The following SPATS2L variants were observed in gnomAD, a reference collection of about 807,000 sequenced individuals.
SPATS2L encodes the protein SPATS2-like protein.
Under a neutral mutation model 59.6 loss-of-function variants are expected in SPATS2L, and 30 were observed. The observed-to-expected ratio is 0.50, with a 90% CI of 0.38 to 0.68. SPATS2L has a LOEUF of 0.68. Among genes scored for constraint, SPATS2L ranks in the 30% least tolerant of loss-of-function variants. The pLI, the probability that SPATS2L is intolerant of heterozygous loss-of-function variation, is 0.00. For synonymous variants in SPATS2L, 252 were observed against 263.5 expected (o/e 0.96, Z 0.42); for missense variants, 615 against 700.0 (o/e 0.88, Z 1.37).
intron 2 of SPATS2L, among the ~76,000 whole-genome samples, chr2:200,386,999 G>A (rs957780129): frequency 6.6e-6 from 1 of 152,138 alleles, no homozygotes; most frequent in Non-Finnish European, 1.5e-5. Flanking sequence ...TGTAATGACC[G>A]ACCAAAGGCT....
At chr2:200,320,832 T>A (rs1433828136) in intron 1 of SPATS2L, among the ~76,000 whole-genome samples, 3 of 152,326 alleles carry the variant, frequency 2.0e-5, no homozygotes, top group South Asian at 4.1e-4. Context: ...ATAGTTTTTT[T>A]AAAAACATGT....
intron 12 of SPATS2L, 134 bp downstream of exon 12, chr2:200,473,186 T>A: frequency 1.2e-6 from 1 of 830,434 alleles, no homozygotes; most frequent in Non-Finnish European, 1.8e-6. Flanking sequence ...CCTCACCCAC[T>A]CCCCACCCAG....
At chr2:200,358,756 G>C (rs1574486077) in intron 2 of SPATS2L, among the ~76,000 whole-genome samples, 1 of 152,144 alleles carries the variant, frequency 6.6e-6, no homozygotes, top group East Asian at 1.9e-4. Context: ...GGGAGGTCAA[G>C]GCAGGAGGAT....
chr2:200,329,629 A>C, intron 2 of SPATS2L, 149 bp downstream of exon 2: 1 of 687,380 alleles, frequency 1.5e-6, no homozygotes, highest in South Asian at 1.8e-5. Flanking sequence ...GTTCTCTTTT[A>C]GAGTGTGTTG....
intron 3 of SPATS2L, among the ~76,000 whole-genome samples, chr2:200,398,667 G>T (rs1036834943): frequency 6.6e-6 from 1 of 152,102 alleles, no homozygotes; most frequent in Admixed American, 6.5e-5. Flanking sequence ...CAAACGATGG[G>T]AGTTCATGTA....
intron 9 of SPATS2L, among the ~76,000 whole-genome samples, chr2:200,465,942 G>C (rs1442229871): frequency 6.6e-6 from 1 of 152,224 alleles, no homozygotes; most frequent in Non-Finnish European, 1.5e-5. Flanking sequence ...TGACGCAGGA[G>C]AATGGTGTGA....
At chr2:200,334,809 G>T (rs950802321) in intron 2 of SPATS2L, among the ~76,000 whole-genome samples, 1 of 152,158 alleles carries the variant, frequency 6.6e-6, no homozygotes, top group Admixed American at 6.5e-5. Context: ...GTTTGTCAAC[G>T]ATCAGATAGT....
At chr2:200,418,581 T>TAATTAAATAAATA (rs1553527086) in intron 5 of SPATS2L, among the ~76,000 whole-genome samples, 1 of 145,320 alleles carries the variant, frequency 6.9e-6, no homozygotes, top group African/African-American at 2.5e-5. Flanking sequence ...CCTTATTAAA[T>TAATTAAATAAATA]AATAAATAAA....
intron 7 of SPATS2L, 78 bp from the exon 8 acceptor site, chr2:200,440,571 T>C (rs749954837): frequency 4.6e-5 from 64 of 1,402,608 alleles, no homozygotes; most frequent in East Asian, 3.0e-4. Flanking sequence ...GGTGGGCTAA[T>C]TGCTTTGTTT....
At chr2:200,434,646 G>T (rs894505521) in intron 6 of SPATS2L, among the ~76,000 whole-genome samples, 2 of 152,048 alleles carry the variant, frequency 1.3e-5, no homozygotes, top group South Asian at 4.1e-4. Context: ...GAATAAATTT[G>T]ACTGTAGATG....
chr2:200,469,422 T>G (rs2086859266), intron 10 of SPATS2L, among the ~76,000 whole-genome samples: 1 of 152,232 alleles, frequency 6.6e-6, no homozygotes. Flanking sequence ...TCTTTCTCAC[T>G]TCTTTTCACA....
chr2:200,473,611 C>T (rs977683156), intron 12 of SPATS2L, among the ~76,000 whole-genome samples: 21 of 152,168 alleles, frequency 1.4e-4, no homozygotes, highest in African/African-American at 4.6e-4. Flanking sequence ...TGTCTAAAGA[C>T]ACAAGTGTCC....
chr2:200,316,869 A>G (rs2079398648), intron 1 of SPATS2L, among the ~76,000 whole-genome samples: 1 of 152,074 alleles, frequency 6.6e-6, no homozygotes, highest in Non-Finnish European at 1.5e-5. Context: ...ATTTGCCTGG[A>G]GCTTGGCTTT....
intron 3 of SPATS2L, among the ~76,000 whole-genome samples, chr2:200,407,853 TC>T (rs2082740313): frequency 6.6e-6 from 1 of 152,192 alleles, no homozygotes; most frequent in Non-Finnish European, 1.5e-5. Flanking sequence ...GGTGGAGTCT[TC>T]CTTTGACTCA....
At chr2:200,440,882 A>G (rs1278580151) in intron 8 of SPATS2L, 98 bp downstream of exon 8, 13 of 1,369,694 alleles carry the variant, frequency 9.5e-6, no homozygotes, top group Non-Finnish European at 1.2e-5. Context: ...TAATACATAA[A>G]CATCACAGAA....
At chr2:200,401,781 C>T (rs2082536973) in intron 3 of SPATS2L, among the ~76,000 whole-genome samples, 1 of 152,110 alleles carries the variant, frequency 6.6e-6, no homozygotes, top group South Asian at 2.1e-4. Flanking sequence ...TTTGAAAATT[C>T]ACCAAGTAAT....
At chr2:200,364,201 T>G (rs2105877128) in intron 2 of SPATS2L, among the ~76,000 whole-genome samples, 1 of 152,290 alleles carries the variant, frequency 6.6e-6, no homozygotes, top group African/African-American at 2.4e-5. Context: ...CTTGTCAGAC[T>G]TCTGACTTAC....
At chr2:200,473,199 G>T in intron 12 of SPATS2L, 147 bp downstream of exon 12, 1 of 756,034 alleles carries the variant, frequency 1.3e-6, no homozygotes, top group African/African-American at 1.8e-5. Context: ...CCACCCAGCA[G>T]CACTGCCCAG....
intron 5 of SPATS2L, among the ~76,000 whole-genome samples, chr2:200,418,911 A>C (rs2083187397): frequency 6.6e-6 from 1 of 152,196 alleles, no homozygotes; most frequent in Non-Finnish European, 1.5e-5. Flanking sequence ...AACTGAAATC[A>C]AATTTTTTCA....
Sources: gnomAD v4.1 joint callset for allele counts (sites outside exome capture counted in the v4.1 genomes callset) on GRCh38, gnomAD v4.1.1 for gene constraint, MANE v1.5 for transcripts, NCBI Gene and HGNC (gene_info 2026-07-23, HGNC 2026-07-21) for gene names.